The following TMEM168 variants were observed in gnomAD, a reference collection of about 807,000 sequenced individuals.
The protein encoded by TMEM168 is transmembrane protein 168.
In TMEM168, 40 loss-of-function variants were observed where a neutral mutation model predicts 53.2. The observed-to-expected ratio is 0.75, with a 90% confidence interval of 0.58 to 0.98. The LOEUF is 0.98. TMEM168 is among the 50% of genes least tolerant of loss of function. TMEM168 has a pLI of 0.00. For synonymous variants in TMEM168, 282 were observed against 293.0 expected (o/e 0.96, Z 0.38); for missense variants, 771 against 828.8 (o/e 0.93, Z 0.86).
At chr7:112,786,290 T>C (rs1475016895) in intron 1 of TMEM168, among the ~76,000 whole-genome samples, 5 of 152,174 alleles carry the variant, frequency 3.3e-5, no homozygotes, top group African/African-American at 1.2e-4. Context: ...AAGAGAAACA[T>C]GAGAACCTGG....
At chr7:112,774,898 C>CA (rs1330379459) in intron 3 of TMEM168, among the ~76,000 whole-genome samples, 1 of 152,042 alleles carries the variant, frequency 6.6e-6, no homozygotes, top group East Asian at 1.9e-4. Context: ...ACTTTCTTAA[C>CA]AAAATATTCC....
At chr7:112,776,201 G>A (rs531482514) in intron 2 of TMEM168, among the ~76,000 whole-genome samples, 14 of 151,532 alleles carry the variant, frequency 9.2e-5, no homozygotes, top group Non-Finnish European at 1.9e-4. Flanking sequence ...ACCTTATAAA[G>A]CACTGAACTC....
chr7:112,767,509 T>G lies in TMEM168; in HGVS notation c.1782A>C (p.Glu594Asp). ...TGTTATTACTGGAGTTGCAGTTATA[T>G]TCTACCCAGTCTTTTGTAAAGTCAC... ...QLGDFTKDWV[E>D]YNCNSSNNIC... The change falls in exon 5 of 5, where the codon GAA becomes GAC. Residue 594 changes from glutamate (E) to aspartate (D), a missense_variant. By Grantham distance (45) the Glu-to-Asp change is conservative. Transcript: ENST00000312814. 3 of 1,614,176 alleles carry G rather than the reference T, an allele frequency of 1.9e-6. No homozygotes were observed. Among genetic ancestry groups the G allele is most frequent in the Non-Finnish European group, 2.5e-6 (3 of 1,180,016 alleles).
At chr7:112,768,292 T>C (rs967610076) in intron 4 of TMEM168, among the ~76,000 whole-genome samples, 3 of 152,248 alleles carry the variant, frequency 2.0e-5, no homozygotes, top group Non-Finnish European at 4.4e-5. Context: ...ATACCGTCTA[T>C]GGCTGCTATT....
At position 112,785,177 on chromosome 7, in the gene TMEM168, G is replaced by A. The variant is rs1004142887; in HGVS notation, c.-128-224C>T. Among the ~76,000 whole-genome samples, 4 of 152,160 alleles carry A rather than the reference G, an allele frequency of 2.6e-5. No individual in the cohort carries two copies. In the South Asian group the frequency reaches 8.3e-4, roughly 31 times the overall value. On this transcript the variant is annotated intron_variant, in intron 1 of 4. Coordinates refer to ENST00000312814, the MANE Select transcript of TMEM168 (RefSeq NM_022484.6). The stretch of plus-strand genomic sequence containing the variant: ...TACTCATCATATGCTATGACTGCAT[G>A]AATAGAACTGTTCTTCCAGAGATGG...
At position 112,784,112 on chromosome 7, in the gene TMEM168, G is replaced by A; in HGVS notation, c.714C>T (p.Phe238=). ...AAAGTCCACTAAAATAAATGTCAAG[G>A]AAAGGATCAGTTATCAGGCAAATAA... ...CFFICLITDP[F]LDIYFSGLSV... The change falls in exon 2 of 5, where the codon TTC becomes TTT. Residue 238 remains phenylalanine (F), a synonymous_variant. Transcript: ENST00000312814. 1.2e-6 allele frequency: 2 copies of A among 1,613,704 alleles called. No homozygotes were observed. The highest frequency in any genetic ancestry group is 1.7e-6 in the Non-Finnish European group (2 of 1,179,938).
chr7:112,771,215 T>C (rs1263068068), intron 4 of TMEM168, among the ~76,000 whole-genome samples: 1 of 152,210 alleles, frequency 6.6e-6, no homozygotes, highest in East Asian at 1.9e-4. Flanking sequence ...GGGTGACCCA[T>C]GTTAACAAAA....
At chr7:112,778,050 G>C (rs73438310) in intron 2 of TMEM168, among the ~76,000 whole-genome samples, 7,115 of 152,032 alleles carry the variant, frequency 0.047, 535 homozygotes, top group African/African-American at 0.16. Flanking sequence ...GTTTCTTCCA[G>C]AGAGCTGCGG....
At chr7:112,778,277 AG>A (rs930260897) in intron 2 of TMEM168, 1 of 152,164 alleles carries the variant, frequency 6.6e-6, no homozygotes, top group African/African-American at 2.4e-5. Flanking sequence ...GCCACTCTTG[AG>A]GGGACCAAAA....
In TMEM168 at chr7:112,763,869, C is replaced by T. The variant is rs1316932331; in HGVS notation, c.*3328G>A. The T allele has an allele frequency of 2.0e-5, 3 of 151,896 alleles. No homozygotes were observed. Among genetic ancestry groups the T allele is most frequent in the African/African-American group, 7.3e-5 (3 of 41,366 alleles). 9.4% of individuals were successfully genotyped at this position (151,896 alleles called of 1,614,324 possible). A position where few individuals can be genotyped will look rare whatever the true frequency, so the allele number is the denominator to read the frequency against. On this transcript the variant is annotated 3_prime_UTR_variant, in exon 5 of 5. Transcript: ENST00000312814. ...AATTAAGACTTTAATTTTTTTAAAG[C>T]ATAACTGGTCATAAGAATAATCCTC... is the stretch of plus-strand genomic sequence containing the variant.
In TMEM168 at chr7:112,780,943, C is replaced by CAAA. The variant is rs1222902089; in HGVS notation, c.1128+2752_1128+2754dup. Among the ~76,000 whole-genome samples, 117 of 59,874 alleles carry CAAA rather than the reference C, an allele frequency of 2.0e-3. 1 individual carries two copies. The highest frequency in any genetic ancestry group is 3.2e-3 in the African/African-American group (58 of 18,230). 39.3% of individuals were successfully genotyped at this position (59,874 alleles called of 152,430 possible). Reference sequence around the variant, plus strand: ...GGTCACACAAATACATGATCCGTATCAAAAAAAAAAAAAAAAAAAAAACGG... The same window carrying CAAA: ...GGTCACACAAATACATGATCCGTATCAAAAAAAAAAAAAAAAAAAAAAAAACGG... On this transcript the variant is annotated intron_variant, in intron 2 of 4. Transcript: ENST00000312814.
rs377500977 is a variant in TMEM168, at chr7:112,775,387, T to C, written c.1129-69A>G. Reference sequence around the variant, plus strand: ...GTGTATATATTTACATGCATGCACATTGATTCACATTTTTTAGCTTCTACT... The same window carrying C: ...GTGTATATATTTACATGCATGCACACTGATTCACATTTTTTAGCTTCTACT... On this transcript the variant is annotated intron_variant, in intron 2 of 4. Transcript: ENST00000312814. The C allele has an allele frequency of 3.4e-5, 45 of 1,304,504 alleles. No homozygotes were observed. In the East Asian group the frequency reaches 4.6e-4, roughly 13 times the overall value. The allele number at this position is 1,304,504 out of a possible 1,614,324, so 80.8% of individuals were successfully genotyped here. A position where few individuals can be genotyped will look rare whatever the true frequency, so the allele number is the denominator to read the frequency against.
intron 1 of TMEM168, among the ~76,000 whole-genome samples, chr7:112,786,167 A>C (rs181506781): frequency 6.6e-6 from 1 of 152,238 alleles, no homozygotes; most frequent in East Asian, 1.9e-4. Context: ...ACGCCACTGG[A>C]CTCCAGCCTG....
chr7:112,779,372 C>T (rs1298753890), intron 2 of TMEM168, among the ~76,000 whole-genome samples: 1 of 152,140 alleles, frequency 6.6e-6, no homozygotes, highest in Non-Finnish European at 1.5e-5. Context: ...CAAGTATGTC[C>T]AGGGGAAGCC....
intron 2 of TMEM168, among the ~76,000 whole-genome samples, chr7:112,777,057 T>G (rs921093052): frequency 7.9e-5 from 12 of 152,114 alleles, no homozygotes; most frequent in African/African-American, 2.7e-4. Context: ...CTTCACTGAT[T>G]TAGTTTTGTT....
At chr7:112,779,022 TGGGACCACA>T (rs1310425478) in intron 2 of TMEM168, among the ~76,000 whole-genome samples, 1 of 152,084 alleles carries the variant, frequency 6.6e-6, no homozygotes, top group Non-Finnish European at 1.5e-5. Context: ...CCAAGTAGCT[TGGGACCACA>T]GGCACATGCA....
rs1186447427 is a variant in TMEM168, at chr7:112,763,003, T to C, written c.*4194A>G. Reference sequence around the variant, plus strand: ...TGATATGCATAGTCAAATTCCTTCTTTGTTCATCAGTCAGACTTTTAATAA... The same window carrying C: ...TGATATGCATAGTCAAATTCCTTCTCTGTTCATCAGTCAGACTTTTAATAA... On this transcript the variant is annotated 3_prime_UTR_variant, in exon 5 of 5. Coordinates refer to ENST00000312814, the MANE Select transcript of TMEM168 (RefSeq NM_022484.6). 1 of 152,066 alleles carries C rather than the reference T, an allele frequency of 6.6e-6. No individual in the cohort carries two copies. Among genetic ancestry groups the C allele is most frequent in the African/African-American group, 2.4e-5 (1 of 41,438 alleles). The allele number at this position is 152,066 out of a possible 1,614,324, so 9.4% of individuals were successfully genotyped here.
Position 112,767,000 on chromosome 7 carries a change from C to A in TMEM168, c.*197G>T. On this transcript the variant is annotated 3_prime_UTR_variant, in exon 5 of 5. Transcript: ENST00000312814. Reference sequence around the variant, plus strand: ...ATGCATTTACAGTAAGCATTTGACTCCCTACATACTTTCATTATAAAATGT... The same window carrying A: ...ATGCATTTACAGTAAGCATTTGACTACCTACATACTTTCATTATAAAATGT... 3.5e-6 allele frequency: 2 copies of A among 572,386 alleles called. No individual in the cohort carries two copies. The highest frequency in any genetic ancestry group is 2.9e-5 in the East Asian group (1 of 33,990). 35.5% of individuals were successfully genotyped at this position (572,386 alleles called of 1,614,324 possible).
chr7:112,767,847 C>T (rs1003736498), intron 4 of TMEM168, 103 bp from the exon 5 acceptor site: 11 of 1,009,996 alleles, frequency 1.1e-5, no homozygotes, highest in Admixed American at 2.8e-5. Context: ...TCTTGTTATA[C>T]ATGTATTTTC....
Sources: gnomAD v4.1 joint callset for allele counts (sites outside exome capture counted in the v4.1 genomes callset) on GRCh38, gnomAD v4.1.1 for gene constraint, MANE v1.5 for transcripts, NCBI Gene and HGNC (gene_info 2026-07-23, HGNC 2026-07-21) for gene names.